The following FLT1 variants were observed in gnomAD, a reference collection of about 807,000 sequenced individuals.
FLT1 encodes the protein fms related receptor tyrosine kinase 1.
Under a neutral mutation model 156.3 loss-of-function variants are expected in FLT1, and 49 were observed. The ratio of observed to expected loss-of-function variants is 0.31; its 90% CI spans 0.25 to 0.40. FLT1 has a LOEUF of 0.40. Among genes scored for constraint, FLT1 ranks in the 10% least tolerant of loss-of-function variants. The pLI is 1.00. For missense variants in FLT1, 1,322 were observed against 1,637.2 expected, an observed-to-expected ratio of 0.81 and a Z score of 3.32; for synonymous variants, 594 against 583.8, an observed-to-expected ratio of 1.02 and a Z score of -0.25.
chr13:28,479,324 A>G (rs1593841886), intron 1 of FLT1, among the ~76,000 whole-genome samples: 1 of 152,324 alleles, frequency 6.6e-6, no homozygotes, highest in East Asian at 1.9e-4. Flanking sequence ...CTTCTAAGTT[A>G]AACAATTTGA....
intron 10 of FLT1, 102 bp downstream of exon 10, chr13:28,427,057 A>C (rs76925412): frequency 3.6e-6 from 4 of 1,098,178 alleles, no homozygotes; most frequent in Non-Finnish European, 5.6e-6. Context: ...TCAAATATAC[A>C]GTACATCCCA....
intron 1 of FLT1, among the ~76,000 whole-genome samples, chr13:28,494,200 C>A (rs1199876647): frequency 1.3e-5 from 2 of 152,234 alleles, no homozygotes; most frequent in African/African-American, 2.4e-5. Context: ...CTGGCCCTCT[C>A]CTGAGATCCT....
intron 14 of FLT1, among the ~76,000 whole-genome samples, chr13:28,380,402 G>C (rs115195779): frequency 6.6e-6 from 1 of 152,100 alleles, no homozygotes. Flanking sequence ...GGAATATTAC[G>C]TATGGAACTT....
intron 4 of FLT1, among the ~76,000 whole-genome samples, chr13:28,436,914 C>T (rs552358951): frequency 6.6e-6 from 1 of 152,184 alleles, no homozygotes; most frequent in Non-Finnish European, 1.5e-5. Flanking sequence ...GGTTTGATAA[C>T]TCATTAGTTT....
chr13:28,447,824 G>A (rs1160098645), intron 3 of FLT1, among the ~76,000 whole-genome samples: 1 of 149,996 alleles, frequency 6.7e-6, no homozygotes, highest in Non-Finnish European at 1.5e-5. Flanking sequence ...GATATATTAT[G>A]TATCTATATA....
At chr13:28,348,635 C>A (rs1400125932) in intron 15 of FLT1, among the ~76,000 whole-genome samples, 1 of 152,142 alleles carries the variant, frequency 6.6e-6, no homozygotes, top group African/African-American at 2.4e-5. Context: ...AGGGGCCGGG[C>A]GCGGTGGCTC....
At chr13:28,389,345 A>C in intron 13 of FLT1, 1 of 1,236,924 alleles carries the variant, frequency 8.1e-7, no homozygotes, top group Non-Finnish European at 1.0e-6. Context: ...GCATTTGTTT[A>C]AATTATTCAG....
At position 28,303,447 on chromosome 13, in the gene FLT1, G is replaced by A. The variant is rs1020858183; in HGVS notation, c.3816-79C>T. ...AAAGACACTAAAATCTACTCTTTCTGAGTGGGTCATTTGTTCATACCTGTC... is the reference window on the plus strand; with the variant it reads ...AAAGACACTAAAATCTACTCTTTCTAAGTGGGTCATTTGTTCATACCTGTC... On this transcript the variant is annotated intron_variant, in intron 29 of 29. Coordinates refer to ENST00000282397, the MANE Select transcript of FLT1 (RefSeq NM_002019.4). 3 of 1,257,894 alleles carry A rather than the reference G, an allele frequency of 2.4e-6. No homozygotes were observed. In the African/African-American group the frequency reaches 4.4e-5, roughly 19 times the overall value. 77.9% of individuals were successfully genotyped at this position (1,257,894 alleles called of 1,614,324 possible).
chr13:28,368,922 C>T (rs1456443261), intron 14 of FLT1, among the ~76,000 whole-genome samples: 1 of 151,916 alleles, frequency 6.6e-6, no homozygotes, highest in Non-Finnish European at 1.5e-5. Flanking sequence ...CCAGGCTGGT[C>T]TCCAACTCCT....
At chr13:28,444,201 G>C (rs1878485126) in intron 3 of FLT1, among the ~76,000 whole-genome samples, 1 of 152,126 alleles carries the variant, frequency 6.6e-6, no homozygotes, top group South Asian at 2.1e-4. Context: ...CAGCACTTTG[G>C]GAGGCCAAGG....
chr13:28,418,646 C>T (rs918428966), intron 10 of FLT1, among the ~76,000 whole-genome samples: 2 of 152,182 alleles, frequency 1.3e-5, no homozygotes, highest in African/African-American at 4.8e-5. Flanking sequence ...CGACTGCAGC[C>T]TCAACCTCCC....
chr13:28,333,593 A>T (rs1354117798), intron 18 of FLT1, among the ~76,000 whole-genome samples: 1 of 152,188 alleles, frequency 6.6e-6, no homozygotes, highest in African/African-American at 2.4e-5. Flanking sequence ...GATCAACTCA[A>T]TTGTTCTAGC....
chr13:28,408,588 T>C (rs1875952184), intron 10 of FLT1, among the ~76,000 whole-genome samples: 1 of 152,184 alleles, frequency 6.6e-6, no homozygotes. Context: ...GATTGTGCCA[T>C]GTTTGAAGAT....
chr13:28,379,667 G>C (rs77449725), intron 14 of FLT1, among the ~76,000 whole-genome samples: 2,334 of 152,318 alleles, frequency 0.015, 59 homozygotes, highest in African/African-American at 0.053. Context: ...CCCTGGCCAA[G>C]ATTGTCTCTT....
intron 15 of FLT1, among the ~76,000 whole-genome samples, chr13:28,347,414 G>A (rs1313957724): frequency 4.6e-5 from 7 of 152,108 alleles, no homozygotes; most frequent in African/African-American, 9.6e-5. Context: ...CCAGCTCCTC[G>A]GTAGTCTGAA....
intron 3 of FLT1, among the ~76,000 whole-genome samples, chr13:28,463,854 T>C (rs750472284): frequency 2.0e-5 from 3 of 152,198 alleles, no homozygotes; most frequent in Non-Finnish European, 2.9e-5. Flanking sequence ...GGAAAAGTTA[T>C]GATTGTTTAA....
chr13:28,305,815 G>A (rs956878617), intron 29 of FLT1, among the ~76,000 whole-genome samples: 5 of 152,120 alleles, frequency 3.3e-5, no homozygotes, highest in Non-Finnish European at 7.3e-5. Context: ...GTCAGTGTCC[G>A]TGTATTTCAT....
intron 13 of FLT1, chr13:28,387,567 G>C (rs991517364): frequency 1.2e-4 from 123 of 1,063,968 alleles, no homozygotes; most frequent in Non-Finnish European, 1.4e-4. Context: ...TCACTTTTCA[G>C]TGTTATGGCC....
At chr13:28,354,614 T>G (rs1355659286) in intron 15 of FLT1, among the ~76,000 whole-genome samples, 1 of 152,168 alleles carries the variant, frequency 6.6e-6, no homozygotes, top group South Asian at 2.1e-4. Context: ...ATATTTCAGG[T>G]GTGGCTGGAT....
Sources: gnomAD v4.1 joint callset for allele counts (sites outside exome capture counted in the v4.1 genomes callset) on GRCh38, gnomAD v4.1.1 for gene constraint, MANE v1.5 for transcripts, NCBI Gene and HGNC (gene_info 2026-07-23, HGNC 2026-07-21) for gene names.